Variants in RALB observed in about 807,000 individuals in gnomAD.
RALB encodes the protein RAS like proto-oncogene B, also known as ras-related protein Ral-B.
A neutral mutation model predicts 21.3 loss-of-function variants in RALB; 16 were observed. The observed-to-expected ratio is 0.75, with a 90% CI of 0.51 to 1.14. The LOEUF (loss-of-function observed/expected upper bound fraction) is 1.14. Among genes scored for constraint, RALB ranks in the 50% most tolerant of loss-of-function variants. The probability of loss-of-function intolerance (pLI) is 0.00; values close to 1 mark genes in which losing one functional copy is unlikely to be tolerated. For missense variants in RALB, 161 were observed against 256.2 expected (o/e 0.63, Z 2.54); for synonymous variants, 93 against 96.1 (o/e 0.97, Z 0.19).
chr2:120,271,298 T>A (rs1336043739), intron 1 of RALB, among the ~76,000 whole-genome samples: 3 of 152,232 alleles, frequency 2.0e-5, no homozygotes, highest in African/African-American at 7.2e-5. Flanking sequence ...TGGTATTTGG[T>A]TTTATGCTAA....
chr2:120,267,013 G>T (rs1429913315), intron 1 of RALB, among the ~76,000 whole-genome samples: 1 of 152,072 alleles, frequency 6.6e-6, no homozygotes, highest in Non-Finnish European at 1.5e-5. Flanking sequence ...AGGTGAGGAG[G>T]AAATATTGCA....
At chr2:120,246,395 G>C (rs573639011) in intron 1 of RALB, among the ~76,000 whole-genome samples, 27 of 152,318 alleles carry the variant, frequency 1.8e-4, no homozygotes, top group African/African-American at 6.3e-4. Flanking sequence ...AGTGACTAAA[G>C]GGCCCTGAGG....
intron 4 of RALB, among the ~76,000 whole-genome samples, chr2:120,292,362 T>C (rs546520339): frequency 2.6e-5 from 4 of 152,276 alleles, no homozygotes; most frequent in South Asian, 2.1e-4. Context: ...CCTTCTCCCA[T>C]CCTACTGCCT....
intron 1 of RALB, chr2:120,253,239 T>C: frequency 2.4e-6 from 1 of 408,716 alleles, no homozygotes; most frequent in Non-Finnish European, 3.3e-6. Context: ...GCCTCTCCCT[T>C]GTAGCCGCGG....
At chr2:120,278,592 TA>T in intron 1 of RALB, 25 bp from the exon 2 acceptor site, 1 of 1,421,086 alleles carries the variant, frequency 7.0e-7, no homozygotes, top group Non-Finnish European at 9.3e-7. Flanking sequence ...AAATCGCCTC[TA>T]AGTCTTTGTC....
chr2:120,253,724 C>A, intron 1 of RALB: 5 of 985,318 alleles, frequency 5.1e-6, no homozygotes, highest in Non-Finnish European at 6.0e-6. Flanking sequence ...CTTTGGTGTT[C>A]TTATCAGGTG....
At chr2:120,284,797 G>A (rs375941039) in intron 2 of RALB, among the ~76,000 whole-genome samples, 1 of 151,814 alleles carries the variant, frequency 6.6e-6, no homozygotes. Context: ...TTGCTTCCCC[G>A]TCCCACCCCT....
chr2:120,293,197 C>A lies in RALB; in HGVS notation c.558C>A (p.Asp186Glu). The A allele has an allele frequency of 6.2e-7, 1 of 1,613,364 alleles. No individual in the cohort carries two copies. The highest frequency in any genetic ancestry group is 8.5e-7 in the Non-Finnish European group (1 of 1,179,658). The change falls in exon 5 of 5, where the codon GAC becomes GAA. Residue 186 changes from aspartate to glutamate, a missense_variant. By Grantham distance (45) the Asp-to-Glu change is conservative. Coordinates refer to ENST00000272519, the MANE Select transcript of RALB (RefSeq NM_002881.3). ...CAAAGAAGATGTCAGAAAACAAAGACAAGAATGGCAAGAAAAGCAGCAAGA... is the reference window on the plus strand; with the variant it reads ...CAAAGAAGATGTCAGAAAACAAAGAAAAGAATGGCAAGAAAAGCAGCAAGA... ...IRTKKMSENK[D>E]KNGKKSSKNK...
intron 1 of RALB, among the ~76,000 whole-genome samples, chr2:120,243,028 C>G (rs1688918755): frequency 6.6e-6 from 1 of 152,210 alleles, no homozygotes; most frequent in Non-Finnish European, 1.5e-5. Context: ...CCATCAACCT[C>G]TGTGAGAGAG....
At chr2:120,288,887 T>G (rs1690237096) in intron 3 of RALB, among the ~76,000 whole-genome samples, 1 of 152,242 alleles carries the variant, frequency 6.6e-6, no homozygotes, top group Non-Finnish European at 1.5e-5. Context: ...TTACTGTGTC[T>G]GCATGGAAAC....
At chr2:120,273,316 G>A (rs947576231) in intron 1 of RALB, among the ~76,000 whole-genome samples, 1 of 151,198 alleles carries the variant, frequency 6.6e-6, no homozygotes, top group Non-Finnish European at 1.5e-5. Context: ...GGATGGTGGC[G>A]AGGAACCACA....
intron 3 of RALB, among the ~76,000 whole-genome samples, chr2:120,288,342 G>GTTTTTTTTTTTTTTTTTTTTTTTT (rs547733377): frequency 8.5e-6 from 1 of 117,092 alleles, no homozygotes; most frequent in African/African-American, 3.5e-5. Context: ...GAAAATTTTA[G>GTTTTTTTTTTTTTTTTTTTTTTTT]TTTTTTTTTT....
At chr2:120,289,251 T>G (rs1690248166) in intron 3 of RALB, among the ~76,000 whole-genome samples, 2 of 151,924 alleles carry the variant, frequency 1.3e-5, no homozygotes, top group South Asian at 4.1e-4. Flanking sequence ...TTTGTTTTTT[T>G]TTTTGTGTGT....
At chr2:120,242,428 T>C (rs2104563573) in intron 1 of RALB, among the ~76,000 whole-genome samples, 1 of 152,292 alleles carries the variant, frequency 6.6e-6, no homozygotes, top group South Asian at 2.1e-4. Context: ...TTAAAAATAA[T>C]TTTAGGCCAG....
At chr2:120,252,240 T>C (rs1164133601), upstream of RALB, among the ~76,000 whole-genome samples, 1 of 152,064 alleles carries the variant, frequency 6.6e-6, no homozygotes, top group Non-Finnish European at 1.5e-5. Context: ...ACTTCCTGCC[T>C]CGAGGCTATG....
intron 1 of RALB, among the ~76,000 whole-genome samples, chr2:120,262,699 G>A (rs1219173237): frequency 6.6e-6 from 1 of 152,202 alleles, no homozygotes; most frequent in Non-Finnish European, 1.5e-5. Context: ...GGGAAGAGAA[G>A]GCAAGACTGT....
At chr2:120,267,711 C>T (rs1204047217) in intron 1 of RALB, among the ~76,000 whole-genome samples, 1 of 152,106 alleles carries the variant, frequency 6.6e-6, no homozygotes, top group Admixed American at 6.6e-5. Flanking sequence ...TGTCAGACTT[C>T]TTGATTTTTT....
intron 1 of RALB, among the ~76,000 whole-genome samples, chr2:120,264,932 C>T (rs1050063619): frequency 6.6e-6 from 1 of 150,940 alleles, no homozygotes; most frequent in Non-Finnish European, 1.5e-5. Context: ...CATGTGTCAG[C>T]TTCCTTCCTT....
chr2:120,270,238 T>C (rs1474844741), intron 1 of RALB, among the ~76,000 whole-genome samples: 1 of 152,264 alleles, frequency 6.6e-6, no homozygotes, highest in East Asian at 1.9e-4. Context: ...GCTGTTGAAT[T>C]AAACATTTCT....
Sources: allele counts gnomAD v4.1 joint callset (sites outside exome capture counted in the v4.1 genomes callset), GRCh38; gene constraint gnomAD v4.1.1; transcripts MANE v1.5; gene names NCBI Gene and HGNC (gene_info 2026-07-23, HGNC 2026-07-21).